The following RNF24 variants were observed in gnomAD, a reference collection of about 807,000 sequenced individuals.
RNF24 encodes the protein ring finger protein 24.
Under a neutral mutation model 20.0 loss-of-function variants are expected in RNF24, and 14 were observed. That is an observed-to-expected ratio of 0.70 (90% confidence interval 0.46 to 1.10). RNF24 has a LOEUF of 1.10. RNF24 is among the 50% of genes least tolerant of loss of function. The pLI, the probability that RNF24 is intolerant of heterozygous loss-of-function variation, is 0.00. For synonymous variants in RNF24, 45 were observed against 61.1 expected (o/e 0.74, Z 1.23); for missense variants, 124 against 177.6 (o/e 0.70, Z 1.71).
intron 4 of RNF24, among the ~76,000 whole-genome samples, chr20:3,943,553 T>A (rs2090982204): frequency 6.6e-6 from 1 of 152,206 alleles, no homozygotes; most frequent in African/African-American, 2.4e-5. Flanking sequence ...GCTATTTGAT[T>A]TTTGAAAAAG....
Position 3,933,935 on chromosome 20 carries a change from GTTC to G in RNF24, c.*125_*127del. ...GGTTCCCAGTTTGGCTGGCCCAAGA[GTTC>G]TTCATGAGGCAAAAGAAGTGGCAGC... On this transcript the variant is annotated 3_prime_UTR_variant, in exon 6 of 6. Coordinates refer to ENST00000358395, the MANE Select transcript of RNF24 (RefSeq NM_001134337.3). 1 of 996,210 alleles carries G rather than the reference GTTC, an allele frequency of 1.0e-6. No individual in the cohort carries two copies. Among genetic ancestry groups the G allele is most frequent in the South Asian group, 3.3e-5 (1 of 30,346 alleles). The allele number at this position is 996,210 out of a possible 1,614,324, so 61.7% of individuals were successfully genotyped here. A position where few individuals can be genotyped will look rare whatever the true frequency, so the allele number is the denominator to read the frequency against.
chr20:4,008,374 AT>A lies in RNF24; in HGVS notation c.-8+7062del, dbSNP rs1381491201. 3.9e-3 allele frequency among the ~76,000 whole-genome samples: 86 copies of A among 22,196 alleles called. 1 individual carries two copies. Among genetic ancestry groups the A allele is most frequent in the African/African-American group, 0.013 (85 of 6,300 alleles). 14.6% of individuals were successfully genotyped at this position (22,196 alleles called of 152,430 possible). On this transcript the variant is annotated intron_variant, in intron 1 of 5. Transcript: ENST00000358395. The stretch of plus-strand genomic sequence containing the variant: ...GTAATATGTATAATATATATATTAT[AT>A]ATATAATATATATATTATATATGTA...
intron 1 of RNF24, among the ~76,000 whole-genome samples, chr20:4,001,033 G>A (rs1486099243): frequency 2.0e-5 from 3 of 152,100 alleles, no homozygotes; most frequent in Non-Finnish European, 4.4e-5. Flanking sequence ...TTGGGAGGCC[G>A]AGGCAGGCAG....
intron 1 of RNF24, among the ~76,000 whole-genome samples, chr20:3,978,969 G>A (rs1196515694): frequency 6.6e-6 from 1 of 151,702 alleles, no homozygotes; most frequent in Non-Finnish European, 1.5e-5. Context: ...AGCCAGGCGC[G>A]GTGGCGTGCG....
At chr20:3,973,692 CA>C (rs1978596860) in intron 1 of RNF24, among the ~76,000 whole-genome samples, 1 of 151,810 alleles carries the variant, frequency 6.6e-6, no homozygotes, top group South Asian at 2.1e-4. Flanking sequence ...AAAACTCACC[CA>C]ATATAAAATA....
chr20:3,955,285 C>T (rs2091129948), intron 2 of RNF24, among the ~76,000 whole-genome samples: 2 of 152,118 alleles, frequency 1.3e-5, no homozygotes, highest in Admixed American at 1.3e-4. Flanking sequence ...AAATATTTTT[C>T]TCCCATTCTG....
chr20:3,934,325 C>G lies in RNF24; in HGVS notation c.309-124G>C. The G allele has an allele frequency of 4.3e-6, 4 of 938,832 alleles. No individual in the cohort carries two copies. Among genetic ancestry groups the G allele is most frequent in the Non-Finnish European group, 6.1e-6 (4 of 659,598 alleles). 58.2% of individuals were successfully genotyped at this position (938,832 alleles called of 1,614,324 possible). On this transcript the variant is annotated intron_variant, in intron 5 of 5. Coordinates refer to ENST00000358395, the MANE Select transcript of RNF24 (RefSeq NM_001134337.3). This position sits in a 1 kb window ranked among gnomAD's most constrained non-coding sequence, Gnocchi z 4.0. Reference sequence around the variant, plus strand: ...GCTGTATGGTCCAAGGAGCTCCCCTCCTAGGTGGTGAACGGATGTCACCCC... The same window carrying G: ...GCTGTATGGTCCAAGGAGCTCCCCTGCTAGGTGGTGAACGGATGTCACCCC...
chr20:3,991,003 G>C lies in RNF24; in HGVS notation c.-8+24434C>G, dbSNP rs1018168976. Among the ~76,000 whole-genome samples the C allele has an allele frequency of 5.9e-5, 9 of 151,904 alleles. No individual in the cohort carries two copies. The South Asian group carries it at 1.2e-3, about 21-fold the overall frequency. ...TGGCATATCACCTCTGATATAAAAA[G>C]AAAAGAGAAGCTAGCTTTGTATTTG... is the stretch of plus-strand genomic sequence containing the variant. On this transcript the variant is annotated intron_variant, in intron 1 of 5. Transcript: ENST00000358395.
rs574454045 is a variant in RNF24 at position 3,942,892 on chromosome 20, C to T, written c.228+2285G>A. Among the ~76,000 whole-genome samples the T allele has an allele frequency of 2.6e-5, 4 of 152,024 alleles. No homozygotes were observed. In the East Asian group the frequency reaches 5.8e-4, roughly 22 times the overall value. ...CGTGCAATGGCACGATCTCAGCTCA[C>T]TGCAACCTCTGCCTCCAGGTTCAAG... On this transcript the variant is annotated intron_variant, in intron 4 of 5. Transcript: ENST00000358395.
intron 2 of RNF24, among the ~76,000 whole-genome samples, chr20:3,949,145 C>T (rs111707651): frequency 0.017 from 2,525 of 151,698 alleles, 83 homozygotes; most frequent in African/African-American, 0.058. Context: ...TTTGGGAGGC[C>T]GCGGCAGGCG....
chr20:3,979,091 C>CAA lies in RNF24; in HGVS notation c.-7-15069_-7-15068dup, dbSNP rs11472696. ...CCTAGGCAAAAGAGTGAGACTCTGT[C>CAA]AAAAAAAAAAAAAAACCCAAAACAA... On this transcript the variant is annotated intron_variant, in intron 1 of 5. Transcript: ENST00000358395. Among the ~76,000 whole-genome samples, 833 of 101,642 alleles carry CAA rather than the reference C, an allele frequency of 8.2e-3. 8 individuals carry two copies. Among genetic ancestry groups the CAA allele is most frequent in the African/African-American group, 0.029 (758 of 25,868 alleles). 66.7% of individuals were successfully genotyped at this position (101,642 alleles called of 152,430 possible). A position where few individuals can be genotyped will look rare whatever the true frequency, so the allele number is the denominator to read the frequency against.
At chr20:4,014,586 C>G (rs925951468) in intron 1 of RNF24, among the ~76,000 whole-genome samples, 2 of 152,132 alleles carry the variant, frequency 1.3e-5, no homozygotes, top group East Asian at 1.9e-4. Context: ...ATAAAACCCA[C>G]TGGTTTTACA....
intron 1 of RNF24, among the ~76,000 whole-genome samples, chr20:4,013,344 G>T (rs1982613476): frequency 6.6e-6 from 1 of 151,916 alleles, no homozygotes; most frequent in African/African-American, 2.4e-5. Context: ...AAACTACTAG[G>T]AATTAAAATA....
intron 2 of RNF24, among the ~76,000 whole-genome samples, chr20:3,958,252 A>G (rs1272746814): frequency 6.6e-6 from 1 of 152,088 alleles, no homozygotes; most frequent in Non-Finnish European, 1.5e-5. Flanking sequence ...CTTTCTTATA[A>G]ATCTTCCACA....
intron 1 of RNF24, among the ~76,000 whole-genome samples, chr20:3,977,640 C>T (rs962346975): frequency 3.3e-5 from 5 of 152,024 alleles, no homozygotes; most frequent in South Asian, 2.1e-4. Flanking sequence ...CCGAGGCGGG[C>T]GGATCACGAG....
intron 1 of RNF24, among the ~76,000 whole-genome samples, chr20:4,014,218 T>A (rs1982691306): frequency 6.6e-6 from 1 of 152,156 alleles, no homozygotes; most frequent in Admixed American, 6.5e-5. Flanking sequence ...CAAGGGCGCA[T>A]GCCAGGGTAA....
At chr20:4,011,828 A>G (rs1456018143) in intron 1 of RNF24, among the ~76,000 whole-genome samples, 2 of 152,262 alleles carry the variant, frequency 1.3e-5, no homozygotes, top group Non-Finnish European at 2.9e-5. Context: ...TGGGAAATGG[A>G]AGGATAGTTA....
chr20:3,969,197 T>A (rs556579133), intron 1 of RNF24, among the ~76,000 whole-genome samples: 1 of 152,312 alleles, frequency 6.6e-6, no homozygotes, highest in Admixed American at 6.5e-5. Flanking sequence ...TTGAGAAATG[T>A]TAGTTTTCAT....
chr20:3,953,467 CTTTT>C (rs58150160), intron 2 of RNF24, among the ~76,000 whole-genome samples: 5 of 128,386 alleles, frequency 3.9e-5, no homozygotes, highest in East Asian at 2.3e-4. Flanking sequence ...CACATTCTCT[CTTTT>C]TTTTTTTTTT....
Sources: allele counts gnomAD v4.1 joint callset (sites outside exome capture counted in the v4.1 genomes callset), GRCh38; gene constraint gnomAD v4.1.1; non-coding constraint Gnocchi (gnomAD v3.1); transcripts MANE v1.5; gene names NCBI Gene and HGNC (gene_info 2026-07-23, HGNC 2026-07-21).